The following CTNND2 variants were observed in gnomAD, a reference collection of about 807,000 sequenced individuals.
CTNND2 encodes the protein catenin delta-2.
In CTNND2, 22 loss-of-function variants were observed where a neutral mutation model predicts 144.4. That is an observed-to-expected ratio of 0.15 (90% confidence interval 0.11 to 0.22). The LOEUF (loss-of-function observed/expected upper bound fraction) is 0.22, where lower values mean the gene tolerates loss of function less well. Ranked by LOEUF, CTNND2 falls within the 10% of genes least tolerant of loss-of-function variation. The pLI is 1.00. For synonymous variants in CTNND2, 751 were observed against 695.6 expected (o/e 1.08, Z -1.25); for missense variants, 1,353 against 1,618.8 (o/e 0.84, Z 2.82).
intron 9 of CTNND2, among the ~76,000 whole-genome samples, chr5:11,310,041 A>G (rs945786743): frequency 6.6e-6 from 1 of 152,106 alleles, no homozygotes; most frequent in African/African-American, 2.4e-5. Context: ...TCTTTGCTTT[A>G]TAAGTTACTC....
chr5:11,453,709 A>C (rs1765484308), intron 3 of CTNND2, among the ~76,000 whole-genome samples: 1 of 152,132 alleles, frequency 6.6e-6, no homozygotes, highest in Non-Finnish European at 1.5e-5. Context: ...TATTCAAAAC[A>C]CATTCAGAAT....
At chr5:11,224,563 C>T (rs1251908374) in intron 10 of CTNND2, among the ~76,000 whole-genome samples, 1 of 152,094 alleles carries the variant, frequency 6.6e-6, no homozygotes, top group African/African-American at 2.4e-5. Flanking sequence ...AAAGTCACTG[C>T]CTTCCTTCTT....
chr5:11,329,138 T>A (rs1357334067), intron 9 of CTNND2, among the ~76,000 whole-genome samples: 2 of 152,186 alleles, frequency 1.3e-5, no homozygotes, highest in African/African-American at 4.8e-5. Context: ...CCTAATGGCC[T>A]CATTTTAAGT....
At chr5:11,441,697 G>A (rs1764279638) in intron 3 of CTNND2, among the ~76,000 whole-genome samples, 1 of 143,216 alleles carries the variant, frequency 7.0e-6, no homozygotes. Context: ...ACTTGGCCCG[G>A]TCTATCCAAT....
At chr5:11,357,314 G>GT (rs1289487918) in intron 8 of CTNND2, among the ~76,000 whole-genome samples, 2 of 152,060 alleles carry the variant, frequency 1.3e-5, no homozygotes, top group Admixed American at 1.3e-4. Context: ...TAGAGAAAAT[G>GT]TAACACATAT....
chr5:11,763,592 C>T (rs950263737), intron 1 of CTNND2, among the ~76,000 whole-genome samples: 12 of 152,150 alleles, frequency 7.9e-5, no homozygotes, highest in African/African-American at 2.9e-4. Context: ...ATTACAAGAG[C>T]TTCCAAAGTA....
At chr5:11,321,311 G>A (rs188678524) in intron 9 of CTNND2, among the ~76,000 whole-genome samples, 6 of 152,204 alleles carry the variant, frequency 3.9e-5, no homozygotes, top group East Asian at 1.9e-4. Flanking sequence ...AGATTATTAC[G>A]TCAAATCAAC....
chr5:11,721,207 C>T (rs73743033), intron 2 of CTNND2, among the ~76,000 whole-genome samples: 1,719 of 152,108 alleles, frequency 0.011, 26 homozygotes, highest in African/African-American at 0.04. Flanking sequence ...CAATATAAGC[C>T]CTTTAGAAAA....
At chr5:11,388,031 C>T (rs1759265633) in intron 6 of CTNND2, among the ~76,000 whole-genome samples, 1 of 152,140 alleles carries the variant, frequency 6.6e-6, no homozygotes, top group Non-Finnish European at 1.5e-5. Context: ...ACAACTGCCA[C>T]ATGAGCTGTA....
chr5:11,720,252 G>C (rs1786594491), intron 2 of CTNND2, among the ~76,000 whole-genome samples: 1 of 152,120 alleles, frequency 6.6e-6, no homozygotes, highest in East Asian at 1.9e-4. Context: ...CCCAGAGGCA[G>C]ATCTGCAGTG....
intron 15 of CTNND2, among the ~76,000 whole-genome samples, chr5:11,087,903 T>C (rs1252209381): frequency 6.6e-6 from 1 of 152,208 alleles, no homozygotes; most frequent in Non-Finnish European, 1.5e-5. Flanking sequence ...AGATGTGTTT[T>C]TGTAGTAAGA....
chr5:11,004,807 A>G (rs908728603), intron 18 of CTNND2, among the ~76,000 whole-genome samples: 4 of 151,888 alleles, frequency 2.6e-5, no homozygotes, highest in Non-Finnish European at 4.4e-5. Context: ...TGCTAATGAC[A>G]ATGTGAATGG....
At chr5:11,721,518 T>C (rs1027663693) in intron 2 of CTNND2, among the ~76,000 whole-genome samples, 2 of 152,180 alleles carry the variant, frequency 1.3e-5, no homozygotes, top group Non-Finnish European at 2.9e-5. Context: ...ACCTCAAGAT[T>C]TACTGACTTG....
chr5:11,851,868 C>T lies in CTNND2; in HGVS notation c.37+51949G>A, dbSNP rs148043325. Among the ~76,000 whole-genome samples the T allele has an allele frequency of 2.7e-4, 41 of 152,318 alleles. 1 individual carries two copies. The East Asian group carries it at 6.9e-3, about 26-fold the overall frequency. The stretch of plus-strand genomic sequence containing the variant: ...TTTATATTTTAATCAGCAGTTAGGG[C>T]AGAGGGTAGCTAAATGCAGTCGATG... On this transcript the variant is annotated intron_variant, in intron 1 of 21. Transcript: ENST00000304623.
chr5:11,093,947 A>G (rs1474396457), intron 15 of CTNND2, among the ~76,000 whole-genome samples: 1 of 152,204 alleles, frequency 6.6e-6, no homozygotes, highest in East Asian at 1.9e-4. Flanking sequence ...ATCTTCTGAA[A>G]TCTTCCCTAA....
intron 1 of CTNND2, among the ~76,000 whole-genome samples, chr5:11,836,620 C>T (rs1053436553): frequency 2.0e-5 from 3 of 151,206 alleles, no homozygotes; most frequent in African/African-American, 7.3e-5. Flanking sequence ...AAATTCTCTA[C>T]TTTGAAAAAG....
At chr5:11,805,639 G>A (rs1022784841) in intron 1 of CTNND2, among the ~76,000 whole-genome samples, 7 of 151,918 alleles carry the variant, frequency 4.6e-5, no homozygotes, top group Admixed American at 2.6e-4. Context: ...TGCTAGCATT[G>A]GATCATAACA....
At chr5:11,536,538 C>G (rs1317860277) in intron 3 of CTNND2, among the ~76,000 whole-genome samples, 1 of 152,196 alleles carries the variant, frequency 6.6e-6, no homozygotes, top group East Asian at 1.9e-4. Flanking sequence ...TGAAATACTA[C>G]TCAGCCATAA....
intron 3 of CTNND2, among the ~76,000 whole-genome samples, chr5:11,412,757 A>G (rs1403489106): frequency 6.6e-6 from 1 of 152,162 alleles, no homozygotes; most frequent in Non-Finnish European, 1.5e-5. Context: ...CAATTCTTCC[A>G]TTGTGTATGC....
Sources: allele counts gnomAD v4.1 joint callset (sites outside exome capture counted in the v4.1 genomes callset), GRCh38; gene constraint gnomAD v4.1.1; transcripts MANE v1.5; gene names NCBI Gene and HGNC (gene_info 2026-07-23, HGNC 2026-07-21).